DCT: variants seen among roughly 807,000 people sequenced by gnomAD.
The protein encoded by DCT is dopachrome tautomerase.
A neutral mutation model predicts 53.0 loss-of-function variants in DCT; 47 were observed. That is an observed-to-expected ratio of 0.89 (90% confidence interval 0.70 to 1.13). The LOEUF (loss-of-function observed/expected upper bound fraction) is 1.13. Ranked by LOEUF, DCT falls within the 50% of genes most tolerant of loss-of-function variation. DCT has a pLI of 0.00. For missense variants in DCT, 669 were observed against 637.4 expected (o/e 1.05, Z -0.53); for synonymous variants, 244 against 237.0 (o/e 1.03, Z -0.27).
In DCT at chr13:94,465,777, A is replaced by G; in HGVS notation, c.719T>C (p.Phe240Ser). ...GGCAAAGTTCCAGTAGGGCAAAGCA[A>G]AAGACTCATTGCCAATGAGTCGCTA... ...DLQRLIGNES[F>S]ALPYWNFATG... Residue 240 changes from phenylalanine (F) to serine (S), a missense_variant, in exon 4 of 8, where the codon TTT becomes TCT. Transcript: ENST00000377028. 6.2e-7 allele frequency: 1 copy of G among 1,612,050 alleles called. No homozygotes were observed. Among genetic ancestry groups the G allele is most frequent in the African/African-American group, 1.3e-5 (1 of 74,762 alleles).
At chr13:94,516,846 A>T in the DCT span, among the ~76,000 whole-genome samples, 14 of 152,300 alleles carry the variant, frequency 9.2e-5, no homozygotes, top group South Asian at 2.9e-3. Flanking sequence ...ACTGTAAAAA[A>T]TAAATTCCTT....
At chr13:94,495,935 C>G in the DCT span, among the ~76,000 whole-genome samples, 7 of 152,196 alleles carry the variant, frequency 4.6e-5, no homozygotes, top group Admixed American at 3.9e-4. Flanking sequence ...CATGGTAAGT[C>G]TGTTGCATAG....
intron 6 of DCT, among the ~76,000 whole-genome samples, chr13:94,457,001 G>A (rs910220449): frequency 1.3e-5 from 2 of 152,196 alleles, no homozygotes; most frequent in East Asian, 1.9e-4. Context: ...GCAGTGGCAC[G>A]TGCCTGTAAT....
In DCT at chr13:94,468,878, C is replaced by T. The variant is rs762745612; in HGVS notation, c.463G>A (p.Asp155Asn). The T allele has an allele frequency of 9.3e-6, 15 of 1,613,986 alleles. No homozygotes were observed. Among genetic ancestry groups the T allele is most frequent in the African/African-American group, 1.3e-5 (1 of 74,898 alleles). ...CAGTGTTGTGTGGTGATCACGTAGTCGGGGTGTACTCTCTTCTTCGCGAGA... is the reference window on the plus strand; with the variant it reads ...CAGTGTTGTGTGGTGATCACGTAGTTGGGGTGTACTCTCTTCTTCGCGAGA... ...LDLAKKRVHP[D>N]YVITTQHWLG... The change falls in exon 2 of 8, where the codon GAC (aspartate) becomes AAC (asparagine). Residue 155 changes from aspartate (D) to asparagine (N), a missense_variant. Physicochemically the swap from Asp to Asn is conservative, Grantham distance 23. Transcript: ENST00000377028.
Position 94,445,712 on chromosome 13 carries a change from T to C in DCT, c.1180-2075A>G, listed in dbSNP as rs78182872. On this transcript the variant is annotated intron_variant, in intron 6 of 7. Coordinates refer to ENST00000377028, the MANE Select transcript of DCT (RefSeq NM_001922.5). ...ACCTGAGTAGAGCCTCCCAGGCTCA[T>C]GGTTACCAGCACATGCAGGGAAGGG... 3.8e-6 allele frequency: 6 copies of C among 1,579,516 alleles called. No homozygotes were observed. The African/African-American group carries it at 4.0e-5, about 11-fold the overall frequency.
rs575515985 is a variant in DCT, at chr13:94,467,023, AT to A, written c.596-366del. The A allele has an allele frequency of 1.7e-3, 259 of 155,336 alleles. 2 individuals are homozygous for A. The highest frequency in any genetic ancestry group is 5.5e-3 in the African/African-American group (228 of 41,688). 9.6% of individuals were successfully genotyped at this position (155,336 alleles called of 1,614,324 possible). A position where few individuals can be genotyped will look rare whatever the true frequency, so the allele number is the denominator to read the frequency against. On this transcript the variant is annotated intron_variant, in intron 2 of 7. Coordinates refer to ENST00000377028, the MANE Select transcript of DCT (RefSeq NM_001922.5). ...GATCATTAAGACCTAAAGGAAATAT[AT>A]TTTTTAAAGGCATTTGCTAACCTAT...
chr13:94,469,108 A>T, intron 1 of DCT, 63 bp from the exon 2 acceptor site: 1 of 1,374,608 alleles, frequency 7.3e-7, no homozygotes, highest in Non-Finnish European at 1.0e-6. Context: ...GAAATTTCTG[A>T]ATTTGTACTC....
chr13:94,480,664 A>G (rs551664422), upstream of DCT, among the ~76,000 whole-genome samples: 4 of 152,134 alleles, frequency 2.6e-5, no homozygotes, highest in African/African-American at 4.8e-5. Flanking sequence ...CTTATGTCTG[A>G]CTCTACACCA....
chr13:94,499,066 G>C, the DCT span, among the ~76,000 whole-genome samples: 7 of 152,268 alleles, frequency 4.6e-5, no homozygotes, highest in African/African-American at 1.2e-4. Context: ...CCCCATTCGG[G>C]TCCCCTTCCA....
At chr13:94,542,427 G>C in the DCT span, among the ~76,000 whole-genome samples, 37 of 152,262 alleles carry the variant, frequency 2.4e-4, no homozygotes, top group Non-Finnish European at 5.3e-4. Flanking sequence ...CTGACCTCAA[G>C]TGATCCGCCC....
chr13:94,520,616 A>G, the DCT span, among the ~76,000 whole-genome samples: 7 of 152,212 alleles, frequency 4.6e-5, no homozygotes, highest in African/African-American at 1.7e-4. Context: ...CCCAGGAAGA[A>G]TCAACCTAGC....
At chr13:94,540,382 A>G in the DCT span, among the ~76,000 whole-genome samples, 8 of 152,364 alleles carry the variant, frequency 5.3e-5, no homozygotes, top group South Asian at 1.0e-3. Context: ...CAATAATTAC[A>G]GATGCTTTGT....
the DCT span, among the ~76,000 whole-genome samples, chr13:94,500,353 C>T: frequency 6.6e-6 from 1 of 152,202 alleles, no homozygotes; most frequent in South Asian, 2.1e-4. Context: ...ACAGGGGGAG[C>T]CCCTTAGAAA....
At chr13:94,477,492 GGGGA>G (rs987695857) in intron 1 of DCT, among the ~76,000 whole-genome samples, 3 of 152,176 alleles carry the variant, frequency 2.0e-5, no homozygotes, top group African/African-American at 7.2e-5. Flanking sequence ...CTGCTAGAGA[GGGGA>G]GGGAGGGAGG....
chr13:94,541,320 A>G, the DCT span, among the ~76,000 whole-genome samples: 1 of 152,122 alleles, frequency 6.6e-6, no homozygotes, highest in African/African-American at 2.4e-5. Flanking sequence ...CCTGGCCAAC[A>G]TGCTGAAACC....
At chr13:94,520,225 G>T in the DCT span, among the ~76,000 whole-genome samples, 1 of 152,070 alleles carries the variant, frequency 6.6e-6, no homozygotes, top group Non-Finnish European at 1.5e-5. Flanking sequence ...ACAACCCTTT[G>T]TTCTCTTTAT....
chr13:94,504,169 G>A, the DCT span, among the ~76,000 whole-genome samples: 1 of 152,202 alleles, frequency 6.6e-6, no homozygotes. Flanking sequence ...TTTGGCTAAT[G>A]TAATTAATCT....
the DCT span, among the ~76,000 whole-genome samples, chr13:94,501,590 T>C: frequency 6.6e-6 from 1 of 151,832 alleles, no homozygotes; most frequent in Non-Finnish European, 1.5e-5. Flanking sequence ...AAGACAGCCA[T>C]GGATCTTGCA....
At chr13:94,474,926 G>T (rs1165314916) in intron 1 of DCT, among the ~76,000 whole-genome samples, 1 of 152,136 alleles carries the variant, frequency 6.6e-6, no homozygotes, top group Non-Finnish European at 1.5e-5. Flanking sequence ...AACATTTGGG[G>T]TCATCAATAG....
Sources: allele counts gnomAD v4.1 joint callset (sites outside exome capture counted in the v4.1 genomes callset), GRCh38; gene constraint gnomAD v4.1.1; transcripts MANE v1.5; gene names NCBI Gene and HGNC (gene_info 2026-07-23, HGNC 2026-07-21).